Variants in SIL1 observed in about 807,000 individuals in gnomAD.
The protein encoded by SIL1 is nucleotide exchange factor SIL1.
A neutral mutation model predicts 49.1 loss-of-function variants in SIL1; 40 were observed. That is an observed-to-expected ratio of 0.81 (90% confidence interval 0.63 to 1.06). The LOEUF is 1.06. Ranked by LOEUF, SIL1 falls within the 50% of genes least tolerant of loss-of-function variation. The pLI is 0.00. For synonymous variants in SIL1, 253 were observed against 250.8 expected, an observed-to-expected ratio of 1.01 and a Z score of -0.08; for missense variants, 500 against 572.6, an observed-to-expected ratio of 0.87 and a Z score of 1.29.
At chr5:139,003,078 A>C (rs542937109) in intron 7 of SIL1, among the ~76,000 whole-genome samples, 5 of 152,254 alleles carry the variant, frequency 3.3e-5, no homozygotes, top group African/African-American at 7.2e-5. Flanking sequence ...ACAGCAGCCC[A>C]AGGCCCTTCG....
intron 1 of SIL1, among the ~76,000 whole-genome samples, chr5:139,192,512 GATGTGAA>G (rs772529072): frequency 1.3e-5 from 2 of 152,170 alleles, no homozygotes; most frequent in South Asian, 2.1e-4. Context: ...TTTCTCTGTA[GATGTGAA>G]ATGTGAAATG....
chr5:138,952,217 G>A (rs778103812), intron 7 of SIL1, among the ~76,000 whole-genome samples: 97 of 152,186 alleles, frequency 6.4e-4, no homozygotes, highest in Non-Finnish European at 5.3e-4. Flanking sequence ...CGTCCCTCCC[G>A]TAGGAAGCCT....
chr5:138,964,588 CCTT>C (rs955147391), intron 7 of SIL1, among the ~76,000 whole-genome samples: 6 of 152,208 alleles, frequency 3.9e-5, no homozygotes, highest in African/African-American at 1.4e-4. Context: ...CATTAAAAGG[CCTT>C]CTGCTGGAAT....
chr5:139,169,027 TC>T (rs1054948997), intron 1 of SIL1, among the ~76,000 whole-genome samples: 19 of 151,754 alleles, frequency 1.3e-4, no homozygotes, highest in African/African-American at 4.6e-4. Context: ...ATGCTTGTAG[TC>T]CCAGCTACTC....
chr5:139,084,881 A>T (rs1384935191), intron 3 of SIL1, among the ~76,000 whole-genome samples: 2 of 152,214 alleles, frequency 1.3e-5, no homozygotes, highest in Non-Finnish European at 2.9e-5. Flanking sequence ...CAAGTATAGT[A>T]ATTAACAAGG....
At chr5:139,101,607 G>A (rs546577544) in intron 3 of SIL1, among the ~76,000 whole-genome samples, 1 of 152,154 alleles carries the variant, frequency 6.6e-6, no homozygotes, top group African/African-American at 2.4e-5. Flanking sequence ...CACATAGCAA[G>A]TGCTCAATAA....
chr5:139,109,692 T>A (rs1271165360), intron 3 of SIL1, among the ~76,000 whole-genome samples: 1 of 126,812 alleles, frequency 7.9e-6, no homozygotes, highest in Admixed American at 7.9e-5. Flanking sequence ...CACAAGGGGA[T>A]GTTAAAAAAA....
At chr5:139,071,609 T>C (rs1457471778) in intron 3 of SIL1, among the ~76,000 whole-genome samples, 1 of 152,106 alleles carries the variant, frequency 6.6e-6, no homozygotes, top group Non-Finnish European at 1.5e-5. Flanking sequence ...TCCTAAATTA[T>C]ACATTTCTAT....
chr5:138,985,852 TCCTC>T (rs1464361564), intron 7 of SIL1, among the ~76,000 whole-genome samples: 1 of 152,088 alleles, frequency 6.6e-6, no homozygotes, highest in Non-Finnish European at 1.5e-5. Flanking sequence ...AACGTGGACT[TCCTC>T]CCTCAGCGAC....
At chr5:139,059,703 A>G (rs1263047446) in intron 3 of SIL1, among the ~76,000 whole-genome samples, 3 of 152,286 alleles carry the variant, frequency 2.0e-5, no homozygotes, top group Non-Finnish European at 2.9e-5. Context: ...ATTTCTTGCT[A>G]TATTATTGTT....
chr5:139,084,663 T>G, intron 3 of SIL1, among the ~76,000 whole-genome samples: 1 of 122,838 alleles, frequency 8.1e-6, no homozygotes, highest in African/African-American at 3.1e-5. Flanking sequence ...AGGGATAGCA[T>G]TGGGAGATAT....
At chr5:139,129,875 A>G (rs1417991151) in intron 1 of SIL1, among the ~76,000 whole-genome samples, 1 of 152,222 alleles carries the variant, frequency 6.6e-6, no homozygotes, top group Admixed American at 6.5e-5. Context: ...AAATAGATAT[A>G]TTGGACTTCA....
At chr5:138,959,775 C>A (rs147000900) in intron 7 of SIL1, among the ~76,000 whole-genome samples, 3 of 152,362 alleles carry the variant, frequency 2.0e-5, no homozygotes, top group Admixed American at 6.5e-5. Flanking sequence ...GACAACCCCC[C>A]ACCCACAGTC....
intron 7 of SIL1, among the ~76,000 whole-genome samples, chr5:139,003,879 T>A (rs1768049478): frequency 6.6e-6 from 1 of 152,130 alleles, no homozygotes; most frequent in Non-Finnish European, 1.5e-5. Flanking sequence ...AGGACCTTAA[T>A]GAGAAAACAG....
intron 3 of SIL1, among the ~76,000 whole-genome samples, chr5:139,062,836 T>C (rs1252762632): frequency 6.6e-6 from 1 of 152,238 alleles, no homozygotes; most frequent in Non-Finnish European, 1.5e-5. Context: ...AAGAGTCTGC[T>C]CTTTTCCAGG....
At chr5:139,063,879 G>A (rs1769646002) in intron 3 of SIL1, among the ~76,000 whole-genome samples, 1 of 152,102 alleles carries the variant, frequency 6.6e-6, no homozygotes, top group Admixed American at 6.5e-5. Flanking sequence ...GGTTGACTGA[G>A]ACCCAAATGA....
intron 1 of SIL1, among the ~76,000 whole-genome samples, chr5:139,136,863 A>T (rs1000337584): frequency 3.9e-5 from 6 of 152,232 alleles, no homozygotes; most frequent in African/African-American, 1.2e-4. Flanking sequence ...AATACCATAC[A>T]TAAGTTCCTA....
At chr5:138,973,948 C>A (rs1033277299) in intron 7 of SIL1, among the ~76,000 whole-genome samples, 1 of 151,778 alleles carries the variant, frequency 6.6e-6, no homozygotes, top group African/African-American at 2.4e-5. Context: ...AAATCTTTAC[C>A]CATTTACTTT....
Position 138,947,366 on chromosome 5 carries a change from G to A in SIL1, c.1137C>T (p.Cys379=), listed in dbSNP as rs781533614. The change falls in exon 10 of 10, where the codon TGC becomes TGT. Residue 379 remains cysteine (C), a synonymous_variant. Transcript: ENST00000394817. The surrounding 1 kb of genome is among the most constrained non-coding windows in gnomAD (Gnocchi z 4.1). ...GCGCCAGGAGGTGGGCCGTGATCTC[G>A]CACCAGCCCTGTTCCCACAGGCCTG... ...LLPGLWEQGW[C]EITAHLLALP... 7 of 1,613,674 alleles carry A rather than the reference G, an allele frequency of 4.3e-6. No homozygotes were observed. The highest frequency in any genetic ancestry group is 3.3e-5 in the Admixed American group (2 of 60,032).
Sources: allele counts gnomAD v4.1 joint callset (sites outside exome capture counted in the v4.1 genomes callset), GRCh38; gene constraint gnomAD v4.1.1; non-coding constraint Gnocchi (gnomAD v3.1); transcripts MANE v1.5; gene names NCBI Gene and HGNC (gene_info 2026-07-23, HGNC 2026-07-21).